Variants in DUT observed in about 807,000 individuals in gnomAD.
DUT encodes the protein deoxyuridine 5'-triphosphate nucleotidohydrolase, mitochondrial.
In DUT, 21 loss-of-function variants were observed where a neutral mutation model predicts 28.8. The ratio of observed to expected loss-of-function variants is 0.73; its 90% confidence interval spans 0.52 to 1.05. The LOEUF is 1.05. Ranked by LOEUF, DUT falls within the 50% of genes least tolerant of loss-of-function variation. The pLI, the probability that DUT is intolerant of heterozygous loss-of-function variation, is 0.00. For missense variants in DUT, 344 were observed against 351.8 expected (o/e 0.98, Z 0.18); for synonymous variants, 147 against 143.7 (o/e 1.02, Z -0.17).
Position 48,331,491 on chromosome 15 carries a change from C to A in DUT, c.-25C>A, listed in dbSNP as rs746670066. Reference sequence around the variant, plus strand: ...GCGCACGTCCGGAGGTGCCGAGGACCCAACCAGCCCAAACTCTGGGGGAAA... The same window carrying A: ...GCGCACGTCCGGAGGTGCCGAGGACACAACCAGCCCAAACTCTGGGGGAAA... On this transcript the variant is annotated 5_prime_UTR_variant, in exon 1 of 7. Coordinates refer to ENST00000331200, the MANE Select transcript of DUT (RefSeq NM_001025248.2). 3.3e-5 allele frequency: 53 copies of A among 1,610,496 alleles called. No homozygotes were observed. Among genetic ancestry groups the A allele is most frequent in the Non-Finnish European group, 3.6e-5 (43 of 1,179,004 alleles).
rs930498436 is a variant in DUT at position 48,331,633 on chromosome 15, G to C, written c.118G>C (p.Gly40Arg). The C allele has an allele frequency of 1.9e-6, 3 of 1,544,930 alleles. No individual in the cohort carries two copies. Among genetic ancestry groups the C allele is most frequent in the Middle Eastern group, 1.9e-4 (1 of 5,354 alleles). ...GAGGGCCGAAGCCGCGGTACTCTCCGGGCCAGGCCCGCCCCTCGGCCGCGC... is the reference window on the plus strand; with the variant it reads ...GAGGGCCGAAGCCGCGGTACTCTCCCGGCCAGGCCCGCCCCTCGGCCGCGC... ...RQRAEAAVLS[G>R]PGPPLGRAAQ... is the part of the protein sequence containing the mutation. Residue 40 changes from glycine to arginine, a missense_variant, in exon 1 of 7, where the codon GGG (glycine) becomes CGG (arginine). Coordinates refer to ENST00000331200, the MANE Select transcript of DUT (RefSeq NM_001025248.2).
In DUT at chr15:48,342,246, T is replaced by TAA; in HGVS notation, c.*176_*177dup. ...TTTTTATGATCAAGGAAAAGATCATTAAAAAAAAACACAAAGAAGTTTTTC... is the reference window on the plus strand; with the variant it reads ...TTTTTATGATCAAGGAAAAGATCATTAAAAAAAAAAACACAAAGAAGTTTTTC... On this transcript the variant is annotated 3_prime_UTR_variant, in exon 7 of 7. Transcript: ENST00000331200. The TAA allele has an allele frequency of 3.7e-5, 14 of 374,870 alleles. No homozygotes were observed. The highest frequency in any genetic ancestry group is 7.4e-4 in the Middle Eastern group (1 of 1,346). 23.2% of individuals were successfully genotyped at this position (374,870 alleles called of 1,614,324 possible). A position where few individuals can be genotyped will look rare whatever the true frequency, so the allele number is the denominator to read the frequency against.
intron 1 of DUT, 54 bp downstream of exon 1, chr15:48,331,849 G>C: frequency 7.6e-7 from 1 of 1,308,478 alleles, no homozygotes; most frequent in South Asian, 2.0e-5. Context: ...CACGCGGCTT[G>C]AGGCTGTGGG....
upstream of DUT, chr15:48,331,283 T>C: frequency 1.4e-6 from 2 of 1,452,226 alleles, no homozygotes; most frequent in Middle Eastern, 1.8e-4. Flanking sequence ...GCAAGAGGGC[T>C]AGGCAGCCAG....
At chr15:48,331,342 C>G (rs1200140988), upstream of DUT, 13 of 1,442,780 alleles carry the variant, frequency 9.0e-6, no homozygotes, top group East Asian at 2.8e-4. Flanking sequence ...TCCTGGGGCC[C>G]CAGGGCCTGC....
At chr15:48,335,285 T>C (rs976085247) in intron 3 of DUT, among the ~76,000 whole-genome samples, 1 of 152,174 alleles carries the variant, frequency 6.6e-6, no homozygotes, top group Non-Finnish European at 1.5e-5. Context: ...AATAAAATGC[T>C]GGAAGTTAGG....
intron 4 of DUT, among the ~76,000 whole-genome samples, chr15:48,338,283 T>C (rs2042495553): frequency 6.6e-6 from 1 of 152,176 alleles, no homozygotes; most frequent in South Asian, 2.1e-4. Flanking sequence ...TAAAGGTTTT[T>C]CACATTTTCG....
intron 4 of DUT, among the ~76,000 whole-genome samples, chr15:48,340,507 T>C (rs1013450761): frequency 1.3e-5 from 2 of 152,184 alleles, no homozygotes; most frequent in Admixed American, 1.3e-4. Context: ...CTTGTGCTTA[T>C]GGAAATATTT....
In DUT at chr15:48,341,306, G is replaced by C; in HGVS notation, c.574G>C (p.Asp192His). 5 of 1,604,592 alleles carry C rather than the reference G, an allele frequency of 3.1e-6. No homozygotes were observed. Among genetic ancestry groups the C allele is most frequent in the Non-Finnish European group, 4.3e-6 (5 of 1,176,454 alleles). The change falls in exon 5 of 7, where the codon GAT (aspartate) becomes CAT (histidine). Residue 192 changes from aspartate to histidine, a missense_variant. Asp to His is a moderately conservative substitution (Grantham distance 81, BLOSUM62 -1). Transcript: ENST00000331200. ...TTCTCTAGCTGGTGTCATAGATGAA[G>C]ATTATAGAGGAAATGTTGGTGTTGT... ...IDVGAGVIDE[D>H]YRGNVGVVLF...
chr15:48,331,597 G>A lies in DUT; in HGVS notation c.82G>A (p.Gly28Ser). Residue 28 changes from glycine to serine, a missense_variant, in exon 1 of 7, where the codon GGC (glycine) becomes AGC (serine). By Grantham distance (56) the Gly-to-Ser change is moderately conservative. Transcript: ENST00000331200. ...LLRSAMQNARGARQRAEAAVL... is the reference protein window; with the variant it reads ...LLRSAMQNARSARQRAEAAVL... ...TCGCTCAGCGATGCAAAACGCGCGA[G>A]GCGCACGGCAGAGGGCCGAAGCCGC... 6.3e-7 allele frequency: 1 copy of A among 1,574,942 alleles called. No homozygotes were observed. The highest frequency in any genetic ancestry group is 8.6e-7 in the Non-Finnish European group (1 of 1,162,384).
upstream of DUT, chr15:48,331,339 G>A (rs1597477198): frequency 6.9e-7 from 1 of 1,446,548 alleles, no homozygotes; most frequent in Non-Finnish European, 9.1e-7. Flanking sequence ...TCTTCCTGGG[G>A]CCCCAGGGCC....
At chr15:48,340,927 A>T (rs2093073244) in intron 4 of DUT, among the ~76,000 whole-genome samples, 1 of 152,180 alleles carries the variant, frequency 6.6e-6, no homozygotes, top group Non-Finnish European at 1.5e-5. Flanking sequence ...CGGGAAGCTG[A>T]TACCAGGAAA....
At chr15:48,331,122 C>T (rs1400514334), upstream of DUT, 7 of 1,284,134 alleles carry the variant, frequency 5.5e-6, no homozygotes, top group Admixed American at 7.3e-5. Flanking sequence ...CGCCGAGATG[C>T]GGTTCCGGCG....
chr15:48,332,814 T>C, intron 2 of DUT: 2 of 465,414 alleles, frequency 4.3e-6, no homozygotes, highest in Non-Finnish European at 8.6e-6. Flanking sequence ...AGTTATTTTC[T>C]ATACATTCAT....
At chr15:48,339,047 T>C (rs770188669) in intron 4 of DUT, among the ~76,000 whole-genome samples, 4 of 152,122 alleles carry the variant, frequency 2.6e-5, no homozygotes, top group African/African-American at 7.2e-5. Context: ...TCACTTGAGG[T>C]TGAGGCTATA....
At position 48,342,389 on chromosome 15, in the gene DUT, C is replaced by G; in HGVS notation, c.*311C>G. 1 of 170,294 alleles carries G rather than the reference C, an allele frequency of 5.9e-6. No individual in the cohort carries two copies. Among genetic ancestry groups the G allele is most frequent in the Admixed American group, 6.3e-5 (1 of 15,780 alleles). 10.5% of individuals were successfully genotyped at this position (170,294 alleles called of 1,614,324 possible). On this transcript the variant is annotated 3_prime_UTR_variant, in exon 7 of 7. Transcript: ENST00000331200. ...CTTAAAATCAAATGTAAATCAATTA[C>G]AGATTAAAAAAAAAAGCCTGTATTT...
chr15:48,332,947 A>T (rs1001133842), intron 2 of DUT, among the ~76,000 whole-genome samples: 1 of 152,218 alleles, frequency 6.6e-6, no homozygotes, highest in African/African-American at 2.4e-5. Context: ...ATGCTGTTGT[A>T]TTTAGTCCTC....
Position 48,341,504 on chromosome 15 carries a change from T to C in DUT, c.632-11T>C. 6.2e-7 allele frequency: 1 copy of C among 1,612,598 alleles called. No individual in the cohort carries two copies. Among genetic ancestry groups the C allele is most frequent in the Non-Finnish European group, 8.5e-7 (1 of 1,179,120 alleles). ...CAGTAACGTCAGTAATAAACTATTC[T>C]TTCTTTGAAGTCAAAAAAGGTGATC... On this transcript the variant is annotated splice_polypyrimidine_tract_variant and intron_variant, in intron 5 of 6. Coordinates refer to ENST00000331200, the MANE Select transcript of DUT (RefSeq NM_001025248.2).
intron 6 of DUT, 37 bp downstream of exon 6, chr15:48,341,622 T>C (rs1040976572): frequency 6.7e-7 from 1 of 1,487,154 alleles, no homozygotes; most frequent in African/African-American, 1.4e-5. Flanking sequence ...ATAAGTAATA[T>C]AACATCTTAA....
Sources: allele counts gnomAD v4.1 joint callset (sites outside exome capture counted in the v4.1 genomes callset), GRCh38; gene constraint gnomAD v4.1.1; transcripts MANE v1.5; gene names NCBI Gene and HGNC (gene_info 2026-07-23, HGNC 2026-07-21).